TIAM2: variants seen among roughly 807,000 people sequenced by gnomAD.
The protein encoded by TIAM2 is rho guanine nucleotide exchange factor TIAM2.
Under a neutral mutation model 152.9 loss-of-function variants are expected in TIAM2, and 80 were observed. The ratio of observed to expected loss-of-function variants is 0.52; its 90% CI spans 0.44 to 0.63. The LOEUF is 0.63. TIAM2 is among the 30% of genes least tolerant of loss of function. The pLI, the probability that TIAM2 is intolerant of heterozygous loss-of-function variation, is 0.00. For missense variants in TIAM2, 1,965 were observed against 2,120.1 expected (o/e 0.93, Z 1.44); for synonymous variants, 804 against 838.0 (o/e 0.96, Z 0.70).
chr6:155,224,794 C>T (rs575405277), intron 15 of TIAM2, among the ~76,000 whole-genome samples: 1 of 152,320 alleles, frequency 6.6e-6, no homozygotes, highest in African/African-American at 2.4e-5. Context: ...GAGGAGGAGG[C>T]TCTGAGATGT....
intron 3 of TIAM2, among the ~76,000 whole-genome samples, chr6:155,128,709 A>C (rs763155969): frequency 3.3e-5 from 5 of 151,662 alleles, no homozygotes; most frequent in Admixed American, 6.6e-5. Flanking sequence ...AAAAAAAAAA[A>C]AAACCCCGAG....
At chr6:155,026,279 A>C (rs916399748) in intron 1 of TIAM2, among the ~76,000 whole-genome samples, 1 of 152,232 alleles carries the variant, frequency 6.6e-6, no homozygotes, top group African/African-American at 2.4e-5. Flanking sequence ...CAGAATTTCA[A>C]ATGTTCAAAA....
chr6:155,190,064 A>T (rs1781159536), intron 14 of TIAM2, among the ~76,000 whole-genome samples: 1 of 152,258 alleles, frequency 6.6e-6, no homozygotes. Context: ...CCAGGAATTT[A>T]TAACGTATCG....
intron 14 of TIAM2, among the ~76,000 whole-genome samples, chr6:155,203,048 C>CAAA (rs59836931): frequency 1.3e-4 from 10 of 78,866 alleles, no homozygotes; most frequent in East Asian, 8.4e-4. Flanking sequence ...AACTCTGTCT[C>CAAA]AAAAAAAAAA....
At chr6:155,230,808 T>C (rs1380322676) in intron 15 of TIAM2, among the ~76,000 whole-genome samples, 1 of 151,774 alleles carries the variant, frequency 6.6e-6, no homozygotes, top group Non-Finnish European at 1.5e-5. Flanking sequence ...TAAAATTACT[T>C]TTAAATTACT....
chr6:155,027,218 G>A (rs547076092), intron 1 of TIAM2, among the ~76,000 whole-genome samples: 1 of 151,262 alleles, frequency 6.6e-6, no homozygotes, highest in Admixed American at 6.6e-5. Context: ...TAGAGACGGG[G>A]TTTCACCATG....
chr6:155,138,703 G>A (rs1028196800), intron 5 of TIAM2, among the ~76,000 whole-genome samples: 8 of 152,020 alleles, frequency 5.3e-5, no homozygotes, highest in African/African-American at 1.9e-4. Context: ...TTCTGTCCTT[G>A]TGATAGTTTG....
At chr6:155,017,599 G>A (rs1778615529) in intron 1 of TIAM2, among the ~76,000 whole-genome samples, 1 of 151,460 alleles carries the variant, frequency 6.6e-6, no homozygotes, top group African/African-American at 2.4e-5. Context: ...CGCCTCCTGG[G>A]TTCAAGCTAT....
intron 4 of TIAM2, among the ~76,000 whole-genome samples, chr6:155,134,317 G>C (rs761340599): frequency 6.6e-6 from 1 of 151,950 alleles, no homozygotes; most frequent in Non-Finnish European, 1.5e-5. Context: ...TAGATAAAAA[G>C]ATTTGGAAAT....
intron 15 of TIAM2, among the ~76,000 whole-genome samples, chr6:155,239,505 C>T (rs1184446543): frequency 1.3e-5 from 2 of 152,176 alleles, no homozygotes; most frequent in Non-Finnish European, 2.9e-5. Flanking sequence ...GTAATCTGAC[C>T]CTGCTCCAGC....
chr6:155,210,733 C>T (rs543750872), intron 14 of TIAM2, among the ~76,000 whole-genome samples: 42 of 152,290 alleles, frequency 2.8e-4, no homozygotes, highest in South Asian at 8.3e-4. Flanking sequence ...GATGCCAGCA[C>T]AAGAAACATG....
intron 1 of TIAM2, among the ~76,000 whole-genome samples, chr6:155,071,438 T>C (rs1777835616): frequency 6.6e-6 from 1 of 152,212 alleles, no homozygotes; most frequent in East Asian, 1.9e-4. Flanking sequence ...TATTCAATAC[T>C]CAGTGCCCAG....
At chr6:155,101,505 T>C (rs1778548450) in intron 2 of TIAM2, among the ~76,000 whole-genome samples, 1 of 152,226 alleles carries the variant, frequency 6.6e-6, no homozygotes, top group Non-Finnish European at 1.5e-5. Flanking sequence ...TTTTAATCTC[T>C]ACTTATGATT....
Position 155,185,187 on chromosome 6 carries a change from C to T in TIAM2, c.3064+1687C>T, listed in dbSNP as rs954613196. Among the ~76,000 whole-genome samples, 9 of 123,826 alleles carry T rather than the reference C, an allele frequency of 7.3e-5. No individual in the cohort carries two copies. The South Asian group carries it at 1.3e-3, about 18-fold the overall frequency. The allele number at this position is 123,826 out of a possible 152,430, so 81.2% of individuals were successfully genotyped here. ...TGTCACCCAGGCTGGAGTGCAGTGG[C>T]GCAATCTTGGCTTAGTGCAACCTCC... On this transcript the variant is annotated intron_variant, in intron 14 of 26. Coordinates refer to ENST00000682666, the MANE Select transcript of TIAM2 (RefSeq NM_012454.4).
Position 155,057,017 on chromosome 6 carries a change from CTTTTTTTTTTTTTTTT to C in TIAM2, c.-208-33258_-208-33243del, listed in dbSNP as rs71023612. 1.4e-4 allele frequency among the ~76,000 whole-genome samples: 6 copies of C among 43,870 alleles called. No homozygotes were observed. The East Asian group carries it at 2.1e-3, about 15-fold the overall frequency. The allele number at this position is 43,870 out of a possible 152,430, so 28.8% of individuals were successfully genotyped here. On this transcript the variant is annotated intron_variant, in intron 1 of 26. Transcript: ENST00000682666. The stretch of plus-strand genomic sequence containing the variant: ...AGTAGAATGTTCCTCAGTTTTCTTT[CTTTTTTTTTTTTTTTT>C]TTTTTTTTTTTTTGAGATAGGGTCT...
intron 1 of TIAM2, among the ~76,000 whole-genome samples, chr6:155,089,728 A>C (rs1778257373): frequency 6.6e-6 from 1 of 152,168 alleles, no homozygotes. Flanking sequence ...CTTGTCACTC[A>C]CTGTCTCATT....
chr6:155,095,743 T>A (rs958967177), intron 2 of TIAM2, among the ~76,000 whole-genome samples: 1 of 152,204 alleles, frequency 6.6e-6, no homozygotes, highest in Admixed American at 6.5e-5. Flanking sequence ...ATTAGGAATC[T>A]TCCAGCTTGA....
chr6:155,176,314 A>G (rs1780756838), intron 9 of TIAM2, among the ~76,000 whole-genome samples: 1 of 152,210 alleles, frequency 6.6e-6, no homozygotes, highest in Admixed American at 6.5e-5. Context: ...GCTCACTGCA[A>G]CCTCTGCCTC....
At chr6:155,054,562 A>G (rs112898963) in intron 1 of TIAM2, among the ~76,000 whole-genome samples, 22 of 134,460 alleles carry the variant, frequency 1.6e-4, no homozygotes, top group Admixed American at 6.8e-4. Context: ...CTGTAGAAGT[A>G]CAGAGTTTTG....
Sources: allele counts gnomAD v4.1 joint callset (sites outside exome capture counted in the v4.1 genomes callset), GRCh38; gene constraint gnomAD v4.1.1; transcripts MANE v1.5; gene names NCBI Gene and HGNC (gene_info 2026-07-23, HGNC 2026-07-21).